PDK3: variants seen among roughly 807,000 people sequenced by gnomAD.
The protein encoded by PDK3 is pyruvate dehydrogenase kinase, isozyme 3.
PDK3 carries 12 observed loss-of-function variants against 32.0 expected under a neutral mutation model. The observed-to-expected ratio is 0.37, with a 90% CI of 0.24 to 0.61. The LOEUF (loss-of-function observed/expected upper bound fraction) is 0.61. Among genes scored for constraint, PDK3 ranks in the 20% least tolerant of loss-of-function variants. The probability of loss-of-function intolerance (pLI) is 0.65; values close to 1 mark genes in which losing one functional copy is unlikely to be tolerated. For missense variants in PDK3, 188 were observed against 316.9 expected (o/e 0.59, Z 3.09); for synonymous variants, 122 against 116.3 (o/e 1.05, Z -0.31).
exon 12 of PDK3, chrX:24,545,542 C>T (rs981912478): frequency 9.0e-6 from 1 of 111,634 alleles, no homozygotes; most frequent in African/African-American, 3.3e-5. Context: ...ACCTTCAGAG[C>T]TCTAGCATAA....
At chrX:24,527,406 T>G (rs1294200816) in intron 7 of PDK3, among the ~76,000 whole-genome samples, 168 bp from the exon 8 acceptor site, 1 of 111,710 alleles carries the variant, frequency 9.0e-6, no homozygotes, top group Non-Finnish European at 1.9e-5. Context: ...TTCCTTGATT[T>G]GAGCACGTTT....
chrX:24,512,274 T>A (rs1922139789), intron 5 of PDK3, among the ~76,000 whole-genome samples: 1 of 112,065 alleles, frequency 8.9e-6, no homozygotes, highest in African/African-American at 3.2e-5. Context: ...AGTATAAACT[T>A]AAATACTTGG....
intron 6 of PDK3, among the ~76,000 whole-genome samples, chrX:24,525,012 C>G (rs1278747963): frequency 3.6e-5 from 4 of 110,177 alleles, no homozygotes; most frequent in African/African-American, 1.3e-4. Context: ...CAAAAATTAG[C>G]CAGGAGTGGC....
chrX:24,489,379 C>A (rs1462033395), intron 1 of PDK3, among the ~76,000 whole-genome samples: 1 of 111,732 alleles, frequency 8.9e-6, no homozygotes, highest in Non-Finnish European at 1.9e-5. Context: ...TCCAACTACT[C>A]TTTTTAAAAA....
At chrX:24,468,267 C>T (rs1474412005) in intron 1 of PDK3, among the ~76,000 whole-genome samples, 2 of 111,937 alleles carry the variant, frequency 1.8e-5, no homozygotes, top group Non-Finnish European at 3.8e-5. Flanking sequence ...GGTTCCTGAG[C>T]CTCAGCACTC....
intron 1 of PDK3, among the ~76,000 whole-genome samples, chrX:24,471,227 T>C (rs140402614): frequency 2.0e-3 from 227 of 112,326 alleles, no homozygotes; most frequent in Non-Finnish European, 3.4e-3. Context: ...TGCTTTCTTC[T>C]TTGTCTTGTT....
At chrX:24,465,847 T>G (rs1303013069) in intron 1 of PDK3, among the ~76,000 whole-genome samples, 1 of 111,732 alleles carries the variant, frequency 8.9e-6, no homozygotes, top group African/African-American at 3.3e-5. Flanking sequence ...TCAAATCTGC[T>G]TGACACAAAC....
intron 1 of PDK3, among the ~76,000 whole-genome samples, chrX:24,484,513 G>A (rs750522772): frequency 1.3e-4 from 15 of 112,046 alleles, no homozygotes; most frequent in Non-Finnish European, 2.3e-4. Context: ...GTTATACAGA[G>A]CAGCAGTTTT....
chrX:24,501,574 C>T, intron 3 of PDK3, among the ~76,000 whole-genome samples: 1 of 112,084 alleles, frequency 8.9e-6, no homozygotes, highest in Non-Finnish European at 1.9e-5. Flanking sequence ...ATTAGCCAGG[C>T]GTGGTGGTGG....
chrX:24,477,509 G>GT (rs763503627), intron 1 of PDK3, among the ~76,000 whole-genome samples: 26 of 111,415 alleles, frequency 2.3e-4, no homozygotes, highest in African/African-American at 8.1e-4. Flanking sequence ...TAATTCATCT[G>GT]TTTTTTTGTG....
Position 24,508,599 on chromosome X carries a change from A to T in PDK3, c.595+3301A>T, listed in dbSNP as rs758330517. Among the ~76,000 whole-genome samples the T allele has an allele frequency of 1.4e-4, 16 of 111,606 alleles. No homozygotes were observed. The South Asian group carries it at 6.1e-3, about 42-fold the overall frequency. The stretch of plus-strand genomic sequence containing the variant: ...CAGAGGTGTCAGAGTGTGAGGAGGA[A>T]TCGACTGTGATTTGACTCTTAATGT... On this transcript the variant is annotated intron_variant, in intron 5 of 10. Transcript: ENST00000379162.
At chrX:24,486,718 A>G (rs1458789440) in intron 1 of PDK3, among the ~76,000 whole-genome samples, 1 of 110,863 alleles carries the variant, frequency 9.0e-6, no homozygotes, top group Non-Finnish European at 1.9e-5. Context: ...TGCAGCCTCG[A>G]CCTCCTGGCT....
At chrX:24,480,094 G>T (rs959385580) in intron 1 of PDK3, among the ~76,000 whole-genome samples, 5 of 111,576 alleles carry the variant, frequency 4.5e-5, no homozygotes, top group African/African-American at 6.5e-5. Context: ...GGACCATCGA[G>T]TGCATTGTCA....
chrX:24,483,270 C>T (rs1921306402), intron 1 of PDK3, among the ~76,000 whole-genome samples: 1 of 112,130 alleles, frequency 8.9e-6, no homozygotes, highest in Non-Finnish European at 1.9e-5. Flanking sequence ...TGACCATTAG[C>T]TATTCCTGCT....
intron 3 of PDK3, among the ~76,000 whole-genome samples, chrX:24,501,435 C>T (rs1396721204): frequency 8.9e-6 from 1 of 112,834 alleles, no homozygotes; most frequent in Admixed American, 9.3e-5. Context: ...ATCTGTTGGC[C>T]GGGCATGGTG....
intron 2 of PDK3, among the ~76,000 whole-genome samples, chrX:24,497,413 T>C (rs1921743144): frequency 1.8e-5 from 2 of 111,703 alleles, no homozygotes; most frequent in African/African-American, 3.3e-5. Context: ...GCCTCCCGAG[T>C]AGCTAGGACT....
chrX:24,499,024 G>A (rs1295002646), intron 3 of PDK3, 124 bp downstream of exon 3: 4 of 370,549 alleles, frequency 1.1e-5, no homozygotes, highest in Non-Finnish European at 1.8e-5. Flanking sequence ...TTTTCTTAAT[G>A]AGTAGTGACT....
chrX:24,486,149 G>A (rs941746469), intron 1 of PDK3, among the ~76,000 whole-genome samples: 4 of 111,390 alleles, frequency 3.6e-5, no homozygotes, highest in African/African-American at 1.3e-4. Context: ...TGGCTACTTA[G>A]CCTAATTGAT....
Position 24,465,296 on chromosome X carries a change from A to AGCTGCTGCT in PDK3, c.-151_-143dup, listed in dbSNP as rs1249682130. 1.8e-5 allele frequency: 6 copies of AGCTGCTGCT among 327,115 alleles called. No individual in the cohort carries two copies. The South Asian group carries it at 4.0e-4, about 22-fold the overall frequency. The allele number at this position is 327,115 out of a possible 1,213,427, so 27.0% of individuals were successfully genotyped here. On this transcript the variant is annotated 5_prime_UTR_variant, in exon 1 of 11. Transcript: ENST00000379162. ...CGCGGGCGGCCCGCCGCTGTCCTGG[A>AGCTGCTGCT]GCTGCTGCTGCTGCTGCGGCGGCTG...
Sources: allele counts gnomAD v4.1 joint callset (sites outside exome capture counted in the v4.1 genomes callset), GRCh38; gene constraint gnomAD v4.1.1; transcripts MANE v1.5; gene names NCBI Gene and HGNC (gene_info 2026-07-23, HGNC 2026-07-21).